The following TRHDE variants were observed in gnomAD, a reference collection of about 807,000 sequenced individuals.
The protein encoded by TRHDE is thyrotropin-releasing hormone-degrading ectoenzyme.
TRHDE carries 72 observed loss-of-function variants against 125.7 expected under a neutral mutation model. The ratio of observed to expected loss-of-function variants is 0.57; its 90% confidence interval spans 0.47 to 0.70. The LOEUF (loss-of-function observed/expected upper bound fraction) is 0.70. TRHDE is among the 30% of genes least tolerant of loss of function. The pLI is 0.00. For missense variants in TRHDE, 1,110 were observed against 1,327.1 expected, an observed-to-expected ratio of 0.84 and a Z score of 2.54; for synonymous variants, 509 against 509.1, an observed-to-expected ratio of 1.00 and a Z score of 0.00.
At chr12:72,287,378 A>G (rs1172564656) in intron 2 of TRHDE, among the ~76,000 whole-genome samples, 2 of 152,300 alleles carry the variant, frequency 1.3e-5, no homozygotes, top group East Asian at 3.9e-4. Flanking sequence ...TAGCCAGATC[A>G]ATAGAACTAA....
At chr12:72,556,470 G>C (rs776584250) in intron 7 of TRHDE, among the ~76,000 whole-genome samples, 10 of 152,218 alleles carry the variant, frequency 6.6e-5, no homozygotes, top group Non-Finnish European at 1.2e-4. Context: ...GTTCCCATTA[G>C]AGTGGCTACC....
intron 3 of TRHDE, among the ~76,000 whole-genome samples, chr12:72,437,496 A>T (rs995813859): frequency 8.6e-5 from 13 of 151,866 alleles, no homozygotes; most frequent in African/African-American, 2.9e-4. Flanking sequence ...AAATTAATTC[A>T]TTGGAAGTCA....
At chr12:72,114,626 G>A (rs1425520461) in intron 2 of TRHDE, among the ~76,000 whole-genome samples, 1 of 152,026 alleles carries the variant, frequency 6.6e-6, no homozygotes, top group Non-Finnish European at 1.5e-5. Flanking sequence ...AGGGAGAAGT[G>A]GAAGAAAATC....
chr12:72,330,586 ATAGT>A (rs1330632448), intron 2 of TRHDE, among the ~76,000 whole-genome samples: 1 of 152,202 alleles, frequency 6.6e-6, no homozygotes, highest in Middle Eastern at 3.2e-3. Context: ...AAGCAATTAA[ATAGT>A]TTGTGAGCAG....
At chr12:72,443,639 T>C (rs1875130375) in intron 3 of TRHDE, among the ~76,000 whole-genome samples, 1 of 151,742 alleles carries the variant, frequency 6.6e-6, no homozygotes, top group African/African-American at 2.4e-5. Flanking sequence ...CTGTATCTAT[T>C]TTTCTCTATA....
intron 3 of TRHDE, among the ~76,000 whole-genome samples, chr12:72,388,675 A>C (rs1872523517): frequency 6.6e-6 from 1 of 152,188 alleles, no homozygotes; most frequent in African/African-American, 2.4e-5. Flanking sequence ...AAAATGGAAG[A>C]GATGAAGGAT....
chr12:72,284,697 G>A (rs1879815947), intron 1 of TRHDE, among the ~76,000 whole-genome samples: 1 of 152,170 alleles, frequency 6.6e-6, no homozygotes, highest in Admixed American at 6.5e-5. Flanking sequence ...TCTAGACCCA[G>A]CTTTGTGCAA....
intron 2 of TRHDE, among the ~76,000 whole-genome samples, chr12:72,223,415 T>C (rs1878039329): frequency 6.6e-6 from 1 of 152,088 alleles, no homozygotes; most frequent in Admixed American, 6.6e-5. Context: ...ATAGTTAACT[T>C]AAAAGCCAAG....
chr12:72,604,798 T>TCAGA (rs1872363706), intron 12 of TRHDE, among the ~76,000 whole-genome samples: 2 of 152,178 alleles, frequency 1.3e-5, no homozygotes, highest in African/African-American at 4.8e-5. Context: ...GGGTAAATTT[T>TCAGA]CAGACAGTAA....
At chr12:72,587,545 T>G (rs1023214915) in intron 12 of TRHDE, among the ~76,000 whole-genome samples, 1 of 152,092 alleles carries the variant, frequency 6.6e-6, no homozygotes, top group Non-Finnish European at 1.5e-5. Context: ...GCCATAACAC[T>G]TCATGCTATG....
intron 2 of TRHDE, among the ~76,000 whole-genome samples, chr12:72,346,413 A>G (rs1401120638): frequency 6.6e-6 from 1 of 152,038 alleles, no homozygotes; most frequent in African/African-American, 2.4e-5. Flanking sequence ...TCCAGCGGGC[A>G]CACTCTTACC....
In TRHDE at chr12:72,273,470, A is replaced by G; in HGVS notation, c.827A>G (p.Tyr276Cys). 1 of 1,613,920 alleles carries G rather than the reference A, an allele frequency of 6.2e-7. No individual in the cohort carries two copies. Among genetic ancestry groups the G allele is most frequent in the Non-Finnish European group, 8.5e-7 (1 of 1,180,034 alleles). The change falls in exon 1 of 19, where the codon TAC becomes TGC. Residue 276 changes from tyrosine (Y) to cysteine (C), a missense_variant. Tyr to Cys is a radical substitution (Grantham distance 194). This residue lies in a region of TRHDE where 252 missense variants were observed against 274.8 expected (regional missense o/e 0.92). Coordinates refer to ENST00000261180, the MANE Select transcript of TRHDE (RefSeq NM_013381.3). This position sits in a 1 kb window ranked among gnomAD's most constrained non-coding sequence, Gnocchi z 5.3. The part of the protein sequence containing the change: ...LNRTLDAQRN[Y>C]NLKIIYNALI... ...AGGACACTGGACGCGCAGAGGAATT[A>G]CAATCTGAAGATTATCTACAACGCG...
chr12:72,542,380 CT>C lies in TRHDE; in HGVS notation c.1788+28del, dbSNP rs567656011. On this transcript the variant is annotated intron_variant, in intron 7 of 18. Coordinates refer to ENST00000261180, the MANE Select transcript of TRHDE (RefSeq NM_013381.3). ...AAGTAAGTAAAATGCTTTTTATTTTCTTTTACATTTTTCCTTGTCAATATAT... is the reference window on the plus strand; with the variant it reads ...AAGTAAGTAAAATGCTTTTTATTTTCTTTACATTTTTCCTTGTCAATATAT... 1.6e-4 allele frequency: 252 copies of C among 1,582,220 alleles called. 2 individuals are homozygous for C. The South Asian group carries it at 2.7e-3, about 17-fold the overall frequency.
At chr12:72,638,366 C>G (rs1408331888) in intron 15 of TRHDE, among the ~76,000 whole-genome samples, 1 of 152,150 alleles carries the variant, frequency 6.6e-6, no homozygotes, top group African/African-American at 2.4e-5. Flanking sequence ...GGTAGATCTT[C>G]TTCCATCCCT....
intron 3 of TRHDE, among the ~76,000 whole-genome samples, chr12:72,408,870 A>T (rs981711561): frequency 2.6e-4 from 40 of 152,164 alleles, no homozygotes; most frequent in African/African-American, 8.2e-4. Flanking sequence ...AGACAATAAA[A>T]AGCCATGGAG....
chr12:72,226,289 AG>A (rs1878126901), intron 2 of TRHDE, among the ~76,000 whole-genome samples: 1 of 152,200 alleles, frequency 6.6e-6, no homozygotes, highest in Non-Finnish European at 1.5e-5. Context: ...TAACATTCTT[AG>A]CCCTTTGTGT....
Position 72,533,263 on chromosome 12 carries a change from C to G in TRHDE, c.1723-9028C>G, listed in dbSNP as rs1592518046. ...GATCTCAGCTCACTGCAAGCTCGGT[C>G]TCCCAGGTTCAAGCTATTCTCCTGC... is the stretch of plus-strand genomic sequence containing the variant. On this transcript the variant is annotated intron_variant, in intron 6 of 18. Coordinates refer to ENST00000261180, the MANE Select transcript of TRHDE (RefSeq NM_013381.3). 3.9e-5 allele frequency among the ~76,000 whole-genome samples: 6 copies of G among 152,188 alleles called. 1 individual carries two copies. The highest frequency in any genetic ancestry group is 3.9e-4 in the Admixed American group (6 of 15,278).
intron 2 of TRHDE, among the ~76,000 whole-genome samples, chr12:72,258,879 G>C (rs998559565): frequency 6.6e-6 from 1 of 152,154 alleles, no homozygotes; most frequent in African/African-American, 2.4e-5. Flanking sequence ...AAATTTTAGA[G>C]AAGTGATGTT....
At position 72,301,088 on chromosome 12, in the gene TRHDE, G is replaced by A. The variant is rs530091730; in HGVS notation, c.1188+14134G>A. On this transcript the variant is annotated intron_variant, in intron 2 of 18. Transcript: ENST00000261180. ...AAACTTAGTACTATATGATCCTGTC[G>A]TATCAGTGAGAGAAAAATGAAGAAA... Among the ~76,000 whole-genome samples, 48 of 152,080 alleles carry A rather than the reference G, an allele frequency of 3.2e-4. 1 individual carries two copies. The South Asian group carries it at 3.5e-3, about 11-fold the overall frequency.
Sources: allele counts gnomAD v4.1 joint callset (sites outside exome capture counted in the v4.1 genomes callset), GRCh38; gene constraint gnomAD v4.1.1; regional missense constraint gnomAD v4.1.1; non-coding constraint Gnocchi (gnomAD v3.1); transcripts MANE v1.5; gene names NCBI Gene and HGNC (gene_info 2026-07-23, HGNC 2026-07-21).